NOL4L: variants seen among roughly 807,000 people sequenced by gnomAD.
NOL4L encodes the protein nucleolar protein 4 like, also known as nucleolar protein 4-like.
NOL4L carries 7 observed loss-of-function variants against 64.5 expected under a neutral mutation model. The ratio of observed to expected loss-of-function variants is 0.11; its 90% CI spans 0.06 to 0.20. The LOEUF is 0.20. NOL4L is among the 10% of genes least tolerant of loss of function. The pLI, the probability that NOL4L is intolerant of heterozygous loss-of-function variation, is 1.00. For synonymous variants in NOL4L, 413 were observed against 401.0 expected (o/e 1.03, Z -0.36); for missense variants, 680 against 967.1 (o/e 0.70, Z 3.94).
chr20:32,547,968 C>T (rs1189155555), intron 1 of NOL4L, among the ~76,000 whole-genome samples: 2 of 152,212 alleles, frequency 1.3e-5, no homozygotes, highest in Admixed American at 6.5e-5. Flanking sequence ...TGTCCTCTCT[C>T]TCCCCAGGAA....
At chr20:32,470,941 T>C (rs1035297256) in intron 5 of NOL4L, among the ~76,000 whole-genome samples, 1 of 152,124 alleles carries the variant, frequency 6.6e-6, no homozygotes, top group African/African-American at 2.4e-5. Context: ...CTAAGTTTCC[T>C]CCCCATGAGA....
At chr20:32,452,740 C>T in intron 9 of NOL4L, 144 bp downstream of exon 9, 1 of 1,317,280 alleles carries the variant, frequency 7.6e-7, no homozygotes, top group Non-Finnish European at 1.0e-6. Context: ...CCACCCACCT[C>T]CTCTCCTTGT....
At chr20:32,548,130 G>A (rs1179266147) in intron 1 of NOL4L, among the ~76,000 whole-genome samples, 1 of 152,190 alleles carries the variant, frequency 6.6e-6, no homozygotes, top group Non-Finnish European at 1.5e-5. Flanking sequence ...TTTTACAGAT[G>A]AGGAAACTTA....
At chr20:32,535,723 G>C in intron 1 of NOL4L, 3 of 985,416 alleles carry the variant, frequency 3.0e-6, no homozygotes, top group Non-Finnish European at 3.6e-6. Flanking sequence ...CTTTCTTTTG[G>C]GTTTTGTTAA....
In NOL4L at chr20:32,462,038, C is replaced by T. The variant is rs189083491; in HGVS notation, c.842-5643G>A. Among the ~76,000 whole-genome samples the T allele has an allele frequency of 3.6e-4, 55 of 152,136 alleles. No individual in the cohort carries two copies. The East Asian group carries it at 0.01, about 28-fold the overall frequency. ...AACCCATCACAGCAACTGGTAATAG[C>T]GTGTGACCAAGCTGGGCCCGAGGAC... On this transcript the variant is annotated intron_variant, in intron 5 of 10. Transcript: ENST00000621426.
chr20:32,483,999 T>TACC lies in NOL4L; in HGVS notation c.700-9260_700-9258dup, dbSNP rs1442259162. Among the ~76,000 whole-genome samples, 4 of 148,878 alleles carry TACC rather than the reference T, an allele frequency of 2.7e-5. No individual in the cohort carries two copies. The East Asian group carries it at 6.2e-4, about 23-fold the overall frequency. On this transcript the variant is annotated intron_variant, in intron 4 of 10. Transcript: ENST00000621426. ...GAAAGAAGGCGCTGGGATCTGTGCC[T>TACC]ACCCATCGCTCCCGGAGGCTGCGGT...
chr20:32,542,504 C>T (rs986911474), intron 1 of NOL4L, among the ~76,000 whole-genome samples: 34 of 152,064 alleles, frequency 2.2e-4, no homozygotes, highest in Non-Finnish European at 4.1e-4. Context: ...AGGCATGTGT[C>T]ACTACACCTG....
chr20:32,512,108 C>A (rs2017433851), intron 3 of NOL4L, among the ~76,000 whole-genome samples: 1 of 152,192 alleles, frequency 6.6e-6, no homozygotes, highest in African/African-American at 2.4e-5. Context: ...TAAGGTCTGG[C>A]CACATGGGGC....
At chr20:32,538,227 C>G (rs2018585138) in intron 1 of NOL4L, among the ~76,000 whole-genome samples, 1 of 152,226 alleles carries the variant, frequency 6.6e-6, no homozygotes, top group Non-Finnish European at 1.5e-5. Context: ...CAGAGATGGC[C>G]TGGGAGAGCC....
chr20:32,447,753 G>C lies in NOL4L; in HGVS notation c.1886C>G (p.Pro629Arg). ...GGGCCTGCTGGTGCTGGTGCTGGAG[G>C]GGGTGGGCGTGGGGGTGGTGGAGGT... ...STTSTTPTPT[P>R]SSTSTSRPVP... The change falls in exon 11 of 11, where the codon CCC becomes CGC. Residue 629 changes from proline to arginine, a missense_variant. By Grantham distance (103) the Pro-to-Arg change is moderately radical. Coordinates refer to ENST00000621426, the MANE Select transcript of NOL4L (RefSeq NM_001256798.2). 2 of 1,597,180 alleles carry C rather than the reference G, an allele frequency of 1.3e-6. No individual in the cohort carries two copies. The highest frequency in any genetic ancestry group is 1.7e-6 in the Non-Finnish European group (2 of 1,169,106).
chr20:32,584,280 G>C (rs2145631256), intron 1 of NOL4L, among the ~76,000 whole-genome samples: 1 of 151,400 alleles, frequency 6.6e-6, no homozygotes, highest in Non-Finnish European at 1.5e-5. Flanking sequence ...GGGGGGAGGG[G>C]ACAAGAGGAC....
intron 4 of NOL4L, among the ~76,000 whole-genome samples, chr20:32,508,847 T>C (rs1337866724): frequency 3.3e-5 from 5 of 152,178 alleles, no homozygotes; most frequent in African/African-American, 1.2e-4. Context: ...ACTCATCAGG[T>C]GCTTATGCAC....
At chr20:32,484,547 ACAT>A (rs2015964376) in intron 4 of NOL4L, among the ~76,000 whole-genome samples, 1 of 150,778 alleles carries the variant, frequency 6.6e-6, no homozygotes, top group Non-Finnish European at 1.5e-5. Flanking sequence ...TTCGACCCAA[ACAT>A]CTACGCGACC....
chr20:32,462,953 C>G (rs945063473), intron 5 of NOL4L, among the ~76,000 whole-genome samples: 4 of 141,082 alleles, frequency 2.8e-5, no homozygotes, highest in African/African-American at 1.1e-4. Flanking sequence ...GACAGGCGCA[C>G]AAACCCTTGC....
chr20:32,453,533 C>A lies in NOL4L; in HGVS notation c.1306-38G>T, dbSNP rs1479978811. The A allele has an allele frequency of 1.4e-5, 23 of 1,613,470 alleles. No individual in the cohort carries two copies. Among genetic ancestry groups the A allele is most frequent in the African/African-American group, 2.7e-5 (2 of 74,920 alleles). On this transcript the variant is annotated intron_variant, in intron 7 of 10. Transcript: ENST00000621426. This position sits in a 1 kb window ranked among gnomAD's most constrained non-coding sequence, Gnocchi z 5.6. ...GGGCCATGGGAAGGGCTGGCCCTGG[C>A]CTTGCCCCCATCCCACCCCACCTGT...
chr20:32,577,927 T>G (rs560540828), intron 1 of NOL4L, among the ~76,000 whole-genome samples: 1 of 152,062 alleles, frequency 6.6e-6, no homozygotes, highest in Non-Finnish European at 1.5e-5. Context: ...TGAGATCACA[T>G]AGCAGCTAAC....
At chr20:32,558,166 C>T (rs1396582648) in intron 1 of NOL4L, among the ~76,000 whole-genome samples, 2 of 152,238 alleles carry the variant, frequency 1.3e-5, no homozygotes, top group South Asian at 2.1e-4. Context: ...CGAGTTTGCA[C>T]GACCTCTCCT....
In NOL4L at chr20:32,584,641, C is replaced by A. The variant is rs1357740804; in HGVS notation, c.250G>T (p.Gly84Cys). ...GKFQFWVRSK[G>C]FRLGSGREPK... is the part of the protein sequence containing the mutation. ...TCCCGGCCGCTGCCCAGGCGGAAGC[C>A]CTTGGAGCGCACCCAGAACTGGAAC... Residue 84 changes from glycine to cysteine, a missense_variant, in exon 1 of 11, where the codon GGC becomes TGC. By Grantham distance (159) the Gly-to-Cys change is radical (BLOSUM62 -3). Coordinates refer to ENST00000621426, the MANE Select transcript of NOL4L (RefSeq NM_001256798.2). 1 of 1,545,028 alleles carries A rather than the reference C, an allele frequency of 6.5e-7. No individual in the cohort carries two copies. The highest frequency in any genetic ancestry group is 8.7e-7 in the Non-Finnish European group (1 of 1,144,374).
chr20:32,495,364 C>T (rs1484462234), intron 4 of NOL4L, among the ~76,000 whole-genome samples: 2 of 152,218 alleles, frequency 1.3e-5, no homozygotes, highest in African/African-American at 4.8e-5. Context: ...CTGGATCGAG[C>T]CCCTCTCCTT....
Sources: gnomAD v4.1 joint callset for allele counts (sites outside exome capture counted in the v4.1 genomes callset) on GRCh38, gnomAD v4.1.1 for gene constraint, Gnocchi (gnomAD v3.1) non-coding constraint, MANE v1.5 for transcripts, NCBI Gene and HGNC (gene_info 2026-07-23, HGNC 2026-07-21) for gene names.